The following SPG11 variants were observed in gnomAD, a reference collection of about 807,000 sequenced individuals.
SPG11 encodes the protein SPG11 vesicle trafficking associated, spatacsin, also known as spatacsin.
SPG11 carries 222 observed loss-of-function variants against 274.0 expected under a neutral mutation model. The observed-to-expected ratio is 0.81, with a 90% CI of 0.73 to 0.91. The LOEUF (loss-of-function observed/expected upper bound fraction) is 0.91, where lower values mean the gene tolerates loss of function less well. SPG11 is among the 40% of genes least tolerant of loss of function. The pLI, the probability that SPG11 is intolerant of heterozygous loss-of-function variation, is 0.00. For synonymous variants in SPG11, 1,144 were observed against 1,039.7 expected (o/e 1.10, Z -1.93); for missense variants, 3,114 against 2,872.7 (o/e 1.08, Z -1.92).
At chr15:44,567,180 T>A (rs111884799) in intron 36 of SPG11, among the ~76,000 whole-genome samples, 5 of 151,362 alleles carry the variant, frequency 3.3e-5, no homozygotes, top group African/African-American at 1.2e-4. Context: ...TCAAACCCCA[T>A]CTCTATTAAA....
At chr15:44,639,546 T>C (rs2084380154) in intron 7 of SPG11, among the ~76,000 whole-genome samples, 1 of 151,652 alleles carries the variant, frequency 6.6e-6, no homozygotes, top group Non-Finnish European at 1.5e-5. Flanking sequence ...CTACAAAAAA[T>C]AAAAAAATTA....
chr15:44,585,569 T>G, intron 29 of SPG11, 67 bp downstream of exon 29: 2 of 1,366,800 alleles, frequency 1.5e-6, no homozygotes, highest in Non-Finnish European at 2.0e-6. Flanking sequence ...GCCACTGCAC[T>G]CCAGCCTGGG....
chr15:44,615,768 G>T (rs2083578971), intron 15 of SPG11, among the ~76,000 whole-genome samples: 1 of 152,130 alleles, frequency 6.6e-6, no homozygotes, highest in Non-Finnish European at 1.5e-5. Context: ...TTTAAAGGTA[G>T]CAACGACAGA....
At chr15:44,628,971 G>C in intron 9 of SPG11, 127 bp from the exon 10 acceptor site, 1 of 1,013,804 alleles carries the variant, frequency 9.9e-7, no homozygotes, top group Admixed American at 2.0e-5. Flanking sequence ...CAATATGTCT[G>C]AGGATTTTCC....
intron 11 of SPG11, among the ~76,000 whole-genome samples, chr15:44,623,069 C>G (rs1439124459): frequency 1.3e-5 from 2 of 152,198 alleles, no homozygotes; most frequent in Non-Finnish European, 2.9e-5. Flanking sequence ...CCAACTCAGC[C>G]TCCCAAGTAG....
intron 2 of SPG11, among the ~76,000 whole-genome samples, chr15:44,659,506 T>C (rs2085040831): frequency 6.6e-6 from 1 of 152,116 alleles, no homozygotes; most frequent in African/African-American, 2.4e-5. Flanking sequence ...GCCTACAATG[T>C]CCCTGATTCC....
chr15:44,659,808 C>T lies in SPG11; in HGVS notation c.443-505G>A, dbSNP rs186023046. Among the ~76,000 whole-genome samples the T allele has an allele frequency of 2.0e-3, 300 of 152,318 alleles. 1 individual carries two copies. Among genetic ancestry groups the T allele is most frequent in the Non-Finnish European group, 3.6e-3 (243 of 68,036 alleles). ...AGCAGGGGTGGCTCACACCTGTAAT[C>T]CCAGCACTTTGGGAGGCCCAGGTGG... On this transcript the variant is annotated intron_variant, in intron 2 of 39. Coordinates refer to ENST00000261866, the MANE Select transcript of SPG11 (RefSeq NM_025137.4).
chr15:44,609,510 C>G (rs1364290490), intron 18 of SPG11, among the ~76,000 whole-genome samples: 1 of 152,078 alleles, frequency 6.6e-6, no homozygotes, highest in Non-Finnish European at 1.5e-5. Flanking sequence ...CACTAGGTCC[C>G]TCAATACAGT....
intron 30 of SPG11, among the ~76,000 whole-genome samples, chr15:44,576,386 T>C (rs943993011): frequency 1.3e-4 from 20 of 151,112 alleles, no homozygotes; most frequent in South Asian, 4.2e-4. Context: ...TGGTGGCTCA[T>C]GCCTGTAACC....
intron 27 of SPG11, among the ~76,000 whole-genome samples, chr15:44,589,951 C>A (rs1159172517): frequency 6.6e-6 from 1 of 152,180 alleles, no homozygotes; most frequent in Admixed American, 6.5e-5. Context: ...GGATTACAGG[C>A]ACACGCCACC....
Position 44,651,807 on chromosome 15 carries a change from A to G in SPG11, c.1140T>C (p.Ser380=), listed in dbSNP as rs775897334. The G allele has an allele frequency of 3.1e-6, 5 of 1,614,180 alleles. No individual in the cohort carries two copies. Among genetic ancestry groups the G allele is most frequent in the South Asian group, 2.2e-5 (2 of 91,084 alleles). Residue 380 remains serine (S), a synonymous_variant, in exon 6 of 40, where the codon AGT becomes AGC. Transcript: ENST00000261866. ...GTGGAATGAAGGCCCAGCTCTGCACACTTGTACTGTGGTTACCAGATTCAG... is the reference window on the plus strand; with the variant it reads ...GTGGAATGAAGGCCCAGCTCTGCACGCTTGTACTGTGGTTACCAGATTCAG... The part of the protein sequence containing the change: ...ESPESGNHST[S]VQSWAFIPQD...
chr15:44,628,716 C>T lies in SPG11; in HGVS notation c.2020G>A (p.Val674Ile), dbSNP rs74557540. ...ATATTGCTCTCCTTTACTTTGGGGA[C>T]ATTTTCATGTACATCATATTCATCT... ...AIDEYDVHENVPKVKESNIWK... is the reference protein window; with the variant it reads ...AIDEYDVHENIPKVKESNIWK... Residue 674 changes from valine (V) to isoleucine (I), a missense_variant, in exon 10 of 40, where the codon GTC (valine) becomes ATC (isoleucine). Val to Ile is a conservative substitution (Grantham distance 29). Coordinates refer to ENST00000261866, the MANE Select transcript of SPG11 (RefSeq NM_025137.4). 1 of 1,613,800 alleles carries T rather than the reference C, an allele frequency of 6.2e-7. No homozygotes were observed. The highest frequency in any genetic ancestry group is 8.5e-7 in the Non-Finnish European group (1 of 1,179,922).
chr15:44,636,925 CAAAAA>C lies in SPG11; in HGVS notation c.1603-3293_1603-3289del, dbSNP rs370928375. Among the ~76,000 whole-genome samples, 13 of 19,454 alleles carry C rather than the reference CAAAAA, an allele frequency of 6.7e-4. 1 individual carries two copies. Among genetic ancestry groups the C allele is most frequent in the South Asian group, 3.0e-3 (1 of 330 alleles). 12.8% of individuals were successfully genotyped at this position (19,454 alleles called of 152,430 possible). On this transcript the variant is annotated intron_variant, in intron 7 of 39. Coordinates refer to ENST00000261866, the MANE Select transcript of SPG11 (RefSeq NM_025137.4). ...TGGGCAACAGAGCAAGACTCCATCT[CAAAAA>C]AAAAAAAAAAAAAAAAAAAAAAAAA...
Position 44,613,499 on chromosome 15 carries a change from C to T in SPG11, c.3076G>A (p.Glu1026Lys). ...PENCPFLEKK[E>K]LHEAHPWFEF... ...AACCAAGGGTGTGCTTCATGTAACTCTTTTTTTTCCAAAAAGGGACAATTT... is the reference window on the plus strand; with the variant it reads ...AACCAAGGGTGTGCTTCATGTAACTTTTTTTTTTCCAAAAAGGGACAATTT... Residue 1026 changes from glutamate (E) to lysine (K), a missense_variant, in exon 17 of 40, where the codon GAG (glutamate) becomes AAG (lysine). Transcript: ENST00000261866. 5.0e-6 allele frequency: 8 copies of T among 1,613,162 alleles called. No individual in the cohort carries two copies. Among genetic ancestry groups the T allele is most frequent in the African/African-American group, 1.3e-5 (1 of 74,944 alleles).
At chr15:44,625,945 G>A (rs1435549418) in intron 11 of SPG11, among the ~76,000 whole-genome samples, 1 of 152,204 alleles carries the variant, frequency 6.6e-6, no homozygotes, top group East Asian at 1.9e-4. Context: ...CTCCCAAAGT[G>A]CTGGGATTAC....
At chr15:44,633,775 C>A (rs2084154631) in intron 7 of SPG11, 138 bp from the exon 8 acceptor site, 3 of 806,302 alleles carry the variant, frequency 3.7e-6, no homozygotes, top group Non-Finnish European at 6.1e-6. Flanking sequence ...TACATGGGCT[C>A]CAGTGAGGAT....
At chr15:44,605,894 AT>A in intron 20 of SPG11, 130 bp downstream of exon 20, 3 of 806,212 alleles carry the variant, frequency 3.7e-6, no homozygotes, top group Non-Finnish European at 6.3e-6. Flanking sequence ...TTTGCGAACT[AT>A]TTTTCCTTTG....
At chr15:44,575,213 C>T in intron 30 of SPG11, 172 bp from the exon 31 acceptor site, 1 of 739,618 alleles carries the variant, frequency 1.4e-6, no homozygotes, top group Non-Finnish European at 2.2e-6. Flanking sequence ...TCATTGCCCT[C>T]TTCCAGGAAA....
chr15:44,618,194 T>C (rs1161951585), intron 15 of SPG11, among the ~76,000 whole-genome samples: 1 of 152,108 alleles, frequency 6.6e-6, no homozygotes, highest in Non-Finnish European at 1.5e-5. Flanking sequence ...AAAAGGATTT[T>C]TCTAGGTACC....
Sources: gnomAD v4.1 joint callset for allele counts (sites outside exome capture counted in the v4.1 genomes callset) on GRCh38, gnomAD v4.1.1 for gene constraint, MANE v1.5 for transcripts, NCBI Gene and HGNC (gene_info 2026-07-23, HGNC 2026-07-21) for gene names.